Variants in GNG7 observed in about 807,000 individuals in gnomAD.
GNG7 encodes G protein subunit gamma 7, also known as guanine nucleotide-binding protein G(I)/G(S)/G(O) subunit gamma-7.
In GNG7, 1 loss-of-function variant was observed where a neutral mutation model predicts 4.0. The ratio of observed to expected loss-of-function variants is 0.25; its 90% confidence interval spans 0.09 to 1.18. GNG7 has a LOEUF of 1.18. Ranked by LOEUF, GNG7 falls within the 50% of genes most tolerant of loss-of-function variation. The pLI is 0.50. For missense variants in GNG7, 86 were observed against 91.9 expected, an observed-to-expected ratio of 0.94 and a Z score of 0.26; for synonymous variants, 34 against 36.9, an observed-to-expected ratio of 0.92 and a Z score of 0.29.
At chr19:2,570,061 C>T (rs990120604) in intron 2 of GNG7, among the ~76,000 whole-genome samples, 3 of 119,858 alleles carry the variant, frequency 2.5e-5, no homozygotes, top group Non-Finnish European at 6.0e-5. Flanking sequence ...GGAGGGGGGT[C>T]CCTCATGGCT....
chr19:2,564,280 T>C (rs2144772576), intron 2 of GNG7, among the ~76,000 whole-genome samples: 1 of 152,096 alleles, frequency 6.6e-6, no homozygotes, highest in East Asian at 1.9e-4. Context: ...CTGGTGTCCT[T>C]TTAAGAAGGA....
At position 2,611,011 on chromosome 19, in the gene GNG7, G is replaced by GC. The variant is rs35405616; in HGVS notation, c.-78+35212_-78+35213insG. 103,705 of 139,492 alleles carry GC rather than the reference G, an allele frequency of 0.74. 39,759 individuals carry two copies. The highest frequency in any genetic ancestry group is 0.85 in the Middle Eastern group (240 of 284). 8.6% of individuals were successfully genotyped at this position (139,492 alleles called of 1,614,324 possible). On this transcript the variant is annotated intron_variant, in intron 2 of 4. Transcript: ENST00000382159. This position sits in a 1 kb window ranked among gnomAD's most constrained non-coding sequence, Gnocchi z 6.0. ...GGGCTCACGTGCCAGGCTCGGGGGGGGGGAAGCGTCCTCAACATTCTCAGA... is the reference window on the plus strand; with the variant it reads ...GGGCTCACGTGCCAGGCTCGGGGGGGCGGGAAGCGTCCTCAACATTCTCAGA...
intron 1 of GNG7, among the ~76,000 whole-genome samples, chr19:2,669,280 G>A (rs759980912): frequency 5.9e-5 from 9 of 151,824 alleles, no homozygotes; most frequent in East Asian, 1.9e-4. Flanking sequence ...TCACGAGGTC[G>A]GGAGTTCGAG....
At chr19:2,596,384 C>T (rs1477656607) in intron 2 of GNG7, among the ~76,000 whole-genome samples, 1 of 151,392 alleles carries the variant, frequency 6.6e-6, no homozygotes, top group African/African-American at 2.4e-5. Context: ...AAATAGTAGG[C>T]AGGCCCAGCG....
At chr19:2,615,629 A>AT (rs1195029403) in intron 2 of GNG7, among the ~76,000 whole-genome samples, 4 of 149,536 alleles carry the variant, frequency 2.7e-5, no homozygotes, top group Non-Finnish European at 4.5e-5. Context: ...CGCCTGGCTA[A>AT]TTTTTTTGTA....
intron 3 of GNG7, among the ~76,000 whole-genome samples, chr19:2,554,646 C>A (rs1453805118): frequency 1.3e-5 from 2 of 151,472 alleles, no homozygotes; most frequent in African/African-American, 4.9e-5. Context: ...CCTCCATCTC[C>A]CAGGTTCAAG....
Position 2,557,159 on chromosome 19 carries a change from GAC to G in GNG7, c.-77-1973_-77-1972del, listed in dbSNP as rs546141662. 1.8e-3 allele frequency among the ~76,000 whole-genome samples: 272 copies of G among 150,894 alleles called. 2 individuals carry two copies. The highest frequency in any genetic ancestry group is 5.8e-3 in the African/African-American group (236 of 40,938). The stretch of plus-strand genomic sequence containing the variant: ...GCACACTCACGCACATGCACACAAA[GAC>G]ACGCGCACACACGTACACACAAGAC... On this transcript the variant is annotated intron_variant, in intron 2 of 4. Coordinates refer to ENST00000382159, the MANE Select transcript of GNG7 (RefSeq NM_052847.3). The surrounding 1 kb of genome is among the most constrained non-coding windows in gnomAD (Gnocchi z 5.1).
intron 2 of GNG7, among the ~76,000 whole-genome samples, chr19:2,603,261 TTCACCGTGTTAGCCAGGGTGA>T: frequency 6.6e-6 from 1 of 152,262 alleles, no homozygotes; most frequent in East Asian, 1.9e-4. Flanking sequence ...GAGACGGGGT[TTCACCGTGTTAGCCAGGGTGA>T]TCTCGATCTC....
intron 4 of GNG7, among the ~76,000 whole-genome samples, chr19:2,518,060 G>A (rs555066109): frequency 2.6e-5 from 4 of 152,300 alleles, no homozygotes; most frequent in African/African-American, 9.6e-5. Context: ...TCCAGACCCC[G>A]AAAATAGCTG....
intron 1 of GNG7, among the ~76,000 whole-genome samples, chr19:2,651,527 CTTCT>C (rs1982829689): frequency 2.2e-5 from 3 of 137,842 alleles, no homozygotes; most frequent in East Asian, 4.1e-4. Flanking sequence ...TTCCTTCTTT[CTTCT>C]TTCTCTTTCT....
chr19:2,598,515 G>C (rs1277958454), intron 2 of GNG7, among the ~76,000 whole-genome samples: 1 of 151,022 alleles, frequency 6.6e-6, no homozygotes, highest in Admixed American at 6.6e-5. Flanking sequence ...AAATTAGCTG[G>C]GTGTGGTGGC....
At chr19:2,566,442 G>A (rs2144774804) in intron 2 of GNG7, among the ~76,000 whole-genome samples, 1 of 152,284 alleles carries the variant, frequency 6.6e-6, no homozygotes, top group Admixed American at 6.5e-5. Flanking sequence ...TGAACCCGTG[G>A]TGTCTAAACG....
intron 2 of GNG7, among the ~76,000 whole-genome samples, chr19:2,578,123 C>A (rs553667205): frequency 4.1e-4 from 63 of 152,240 alleles, no homozygotes; most frequent in African/African-American, 1.5e-3. Flanking sequence ...CAGGCGTGAG[C>A]CACCGCGCCC....
At chr19:2,542,245 A>C (rs900218828) in intron 3 of GNG7, among the ~76,000 whole-genome samples, 1 of 150,504 alleles carries the variant, frequency 6.6e-6, no homozygotes, top group African/African-American at 2.4e-5. Flanking sequence ...CTCCCGAGTA[A>C]CTGCGATTAC....
intron 2 of GNG7, among the ~76,000 whole-genome samples, chr19:2,603,647 A>G (rs1316211475): frequency 6.6e-6 from 1 of 152,158 alleles, no homozygotes; most frequent in Non-Finnish European, 1.5e-5. Context: ...TAGGAAACCA[A>G]CCATCTGGAG....
intron 2 of GNG7, among the ~76,000 whole-genome samples, chr19:2,556,930 G>A (rs1979562966): frequency 1.3e-5 from 2 of 152,104 alleles, no homozygotes; most frequent in South Asian, 4.1e-4. Flanking sequence ...GGGTCCCCTG[G>A]GGGGCAGAAT....
chr19:2,667,246 C>T (rs1204322523), intron 1 of GNG7, among the ~76,000 whole-genome samples: 2 of 152,158 alleles, frequency 1.3e-5, no homozygotes, highest in African/African-American at 2.4e-5. Context: ...CGCTTGAACC[C>T]GGGAGGCGGA....
At chr19:2,568,293 A>G (rs946796774) in intron 2 of GNG7, among the ~76,000 whole-genome samples, 3 of 71,374 alleles carry the variant, frequency 4.2e-5, no homozygotes, top group Admixed American at 1.7e-4. Flanking sequence ...ACACACATAT[A>G]CACACGCACA....
At chr19:2,642,755 A>G in intron 2 of GNG7, 1 of 455,916 alleles carries the variant, frequency 2.2e-6, no homozygotes, top group East Asian at 6.9e-5. Flanking sequence ...TGGCCTCTCA[A>G]AGTGCTGGGA....
Sources: gnomAD v4.1 joint callset for allele counts (sites outside exome capture counted in the v4.1 genomes callset) on GRCh38, gnomAD v4.1.1 for gene constraint, Gnocchi (gnomAD v3.1) non-coding constraint, MANE v1.5 for transcripts, NCBI Gene and HGNC (gene_info 2026-07-23, HGNC 2026-07-21) for gene names.